LBP: variants seen among roughly 807,000 people sequenced by gnomAD.
LBP encodes lipopolysaccharide binding protein, also known as lipopolysaccharide-binding protein.
In LBP, 53 loss-of-function variants were observed where a neutral mutation model predicts 56.6. The observed-to-expected ratio is 0.94, with a 90% CI of 0.75 to 1.18. The LOEUF (loss-of-function observed/expected upper bound fraction) is 1.18. Among genes scored for constraint, LBP ranks in the 50% most tolerant of loss-of-function variants. LBP has a pLI of 0.00. For synonymous variants in LBP, 227 were observed against 247.5 expected (o/e 0.92, Z 0.78); for missense variants, 601 against 598.3 (o/e 1.00, Z -0.05).
At chr20:38,369,307 G>T in intron 10 of LBP, 145 bp downstream of exon 10, 1 of 812,394 alleles carries the variant, frequency 1.2e-6, no homozygotes, top group Non-Finnish European at 1.9e-6. Context: ...GGGCTTTCTT[G>T]CTGGCCCTTA....
At chr20:38,374,554 G>A (rs1308670417) in intron 14 of LBP, among the ~76,000 whole-genome samples, 9 of 145,130 alleles carry the variant, frequency 6.2e-5, no homozygotes, top group East Asian at 2.1e-4. Context: ...CCGAGATCAC[G>A]CCACTGCACT....
At chr20:38,364,960 T>A (rs996831700) in intron 8 of LBP, among the ~76,000 whole-genome samples, 1 of 152,084 alleles carries the variant, frequency 6.6e-6, no homozygotes, top group Non-Finnish European at 1.5e-5. Context: ...CATGGCTGGG[T>A]GTGGTGGCTC....
chr20:38,376,518 TG>T, intron 14 of LBP, 106 bp from the exon 15 acceptor site: 1 of 1,006,492 alleles, frequency 9.9e-7, no homozygotes, highest in Non-Finnish European at 1.6e-6. Context: ...ACCTGGATTC[TG>T]GCAGAGCTTG....
rs1320488976 is a variant in LBP at position 38,365,712 on chromosome 20, AAAAAAATATATATATAT to A, written c.921+962_921+978del. Among the ~76,000 whole-genome samples the A allele has an allele frequency of 8.4e-5, 3 of 35,678 alleles. No individual in the cohort carries two copies. The East Asian group carries it at 1.6e-3, about 19-fold the overall frequency. 23.4% of individuals were successfully genotyped at this position (35,678 alleles called of 152,430 possible). A position where few individuals can be genotyped will look rare whatever the true frequency, so the allele number is the denominator to read the frequency against. ...ACTGCATCTCAAAAAAAAAAAAAAA[AAAAAAATATATATATAT>A]ATATATATATATATATTTATATGTG... On this transcript the variant is annotated intron_variant, in intron 8 of 14. Transcript: ENST00000217407.
chr20:38,348,787 A>AGTTTTGTTTT (rs796439469), intron 1 of LBP, among the ~76,000 whole-genome samples: 1,764 of 135,476 alleles, frequency 0.013, 28 homozygotes, highest in African/African-American at 0.037. Flanking sequence ...AGTTTAGTTT[A>AGTTTTGTTTT]GTTTTGTTTT....
intron 5 of LBP, 53 bp from the exon 6 acceptor site, chr20:38,360,651 G>T: frequency 7.8e-7 from 1 of 1,279,236 alleles, no homozygotes; most frequent in South Asian, 1.2e-5. Context: ...TCAGCACGGG[G>T]CCAGACCAGA....
At chr20:38,355,798 C>G (rs1415221319) in intron 5 of LBP, among the ~76,000 whole-genome samples, 1 of 152,058 alleles carries the variant, frequency 6.6e-6, no homozygotes, top group African/African-American at 2.4e-5. Context: ...AGGGCGTGGG[C>G]CAGGTGGGAA....
chr20:38,375,355 G>T (rs2083952437), intron 14 of LBP, among the ~76,000 whole-genome samples: 1 of 151,756 alleles, frequency 6.6e-6, no homozygotes, highest in Non-Finnish European at 1.5e-5. Context: ...GGCCAAGGCG[G>T]GCAGATCATG....
At chr20:38,374,202 G>A (rs1360740368) in intron 14 of LBP, among the ~76,000 whole-genome samples, 189 bp downstream of exon 14, 2 of 152,300 alleles carry the variant, frequency 1.3e-5, no homozygotes, top group East Asian at 1.9e-4. Flanking sequence ...TTCAGAAGTG[G>A]CACCTCTGCT....
intron 10 of LBP, among the ~76,000 whole-genome samples, chr20:38,370,490 A>G (rs1033241329): frequency 2.6e-5 from 4 of 152,204 alleles, no homozygotes; most frequent in African/African-American, 9.7e-5. Context: ...ACCTTCTCTT[A>G]GTAGTCTGTT....
intron 3 of LBP, among the ~76,000 whole-genome samples, chr20:38,352,918 CTTTT>C (rs1376745829): frequency 6.6e-6 from 1 of 151,818 alleles, no homozygotes; most frequent in African/African-American, 2.4e-5. Flanking sequence ...TCAGCTCTTT[CTTTT>C]TATCTTTTTA....
intron 1 of LBP, among the ~76,000 whole-genome samples, chr20:38,346,934 T>C (rs2076803255): frequency 6.6e-6 from 1 of 152,198 alleles, no homozygotes; most frequent in East Asian, 1.9e-4. Flanking sequence ...GGTACTGAGA[T>C]GAGGAAGGGA....
intron 1 of LBP, among the ~76,000 whole-genome samples, chr20:38,347,719 C>G (rs868675055): frequency 6.6e-6 from 1 of 152,156 alleles, no homozygotes; most frequent in Non-Finnish European, 1.5e-5. Flanking sequence ...CACTTCTGTC[C>G]TGTTGCATGT....
Position 38,355,390 on chromosome 20 carries a change from A to G in LBP, c.569A>G (p.Gln190Arg). The change falls in exon 5 of 15, where the codon CAG becomes CGG. Residue 190 changes from glutamine to arginine, a missense_variant. Coordinates refer to ENST00000217407, the MANE Select transcript of LBP (RefSeq NM_004139.5). ...LFHNQIESKF[Q>R]KVLESRICEM... is the part of the protein sequence containing the mutation. ...CACAACCAGATTGAGTCCAAGTTCC[A>G]GAAAGTACTGGAGAGCAGGGTAAGA... 2 of 1,613,758 alleles carry G rather than the reference A, an allele frequency of 1.2e-6. No homozygotes were observed. The highest frequency in any genetic ancestry group is 8.5e-7 in the Non-Finnish European group (1 of 1,179,970).
chr20:38,360,559 A>T, intron 5 of LBP, 145 bp from the exon 6 acceptor site: 1 of 620,000 alleles, frequency 1.6e-6, no homozygotes. Context: ...TTTCCTTGGT[A>T]CCTGGCTCAT....
intron 12 of LBP, among the ~76,000 whole-genome samples, chr20:38,371,531 A>G (rs776634953): frequency 2.0e-5 from 3 of 152,364 alleles, no homozygotes; most frequent in Middle Eastern, 3.4e-3. Context: ...TAAGTCATCT[A>G]CTGAACAGAA....
intron 14 of LBP, among the ~76,000 whole-genome samples, chr20:38,375,505 C>G (rs756149485): frequency 6.6e-6 from 1 of 151,780 alleles, no homozygotes; most frequent in South Asian, 2.1e-4. Context: ...GGCTTGAACA[C>G]GGGAGGCAGA....
At position 38,358,469 on chromosome 20, in the gene LBP, T is replaced by C. The variant is rs369659223; in HGVS notation, c.589-2235T>C. On this transcript the variant is annotated intron_variant, in intron 5 of 14. Transcript: ENST00000217407. Reference sequence around the variant, plus strand: ...AGGCTTTTGGGATGGTCTGATGGGCTACTGTCTGAAGGAAAGGCAAGAAAG... The same window carrying C: ...AGGCTTTTGGGATGGTCTGATGGGCCACTGTCTGAAGGAAAGGCAAGAAAG... 1.6e-4 allele frequency among the ~76,000 whole-genome samples: 25 copies of C among 152,254 alleles called. No homozygotes were observed. The East Asian group carries it at 2.1e-3, about 13-fold the overall frequency.
chr20:38,350,265 A>C (rs1363204053), intron 2 of LBP, among the ~76,000 whole-genome samples: 2 of 152,182 alleles, frequency 1.3e-5, no homozygotes, highest in African/African-American at 4.8e-5. Context: ...TATTCAGTCC[A>C]TCAGCAAAAA....
Sources: gnomAD v4.1 joint callset for allele counts (sites outside exome capture counted in the v4.1 genomes callset) on GRCh38, gnomAD v4.1.1 for gene constraint, MANE v1.5 for transcripts, NCBI Gene and HGNC (gene_info 2026-07-23, HGNC 2026-07-21) for gene names.